Variants in TRMT44 observed in about 807,000 individuals in gnomAD.
TRMT44 encodes the protein probable tRNA (uracil-O(2)-)-methyltransferase.
Under a neutral mutation model 77.3 loss-of-function variants are expected in TRMT44, and 78 were observed. That is an observed-to-expected ratio of 1.01 (90% CI 0.84 to 1.22). The LOEUF is 1.22. Ranked by LOEUF, TRMT44 falls within the 50% of genes most tolerant of loss-of-function variation. TRMT44 has a pLI of 0.00. For synonymous variants in TRMT44, 391 were observed against 383.3 expected, an observed-to-expected ratio of 1.02 and a Z score of -0.23; for missense variants, 1,090 against 964.4, an observed-to-expected ratio of 1.13 and a Z score of -1.73.
chr4:8,454,548 T>G (rs1725667097), intron 5 of TRMT44, 194 bp from the exon 6 acceptor site: 2 of 602,116 alleles, frequency 3.3e-6, no homozygotes, highest in Non-Finnish European at 5.9e-6. Context: ...AGGAAGTGGC[T>G]AAGCTGGCCA....
chr4:8,459,342 T>C (rs892977373), intron 6 of TRMT44, among the ~76,000 whole-genome samples: 1 of 152,168 alleles, frequency 6.6e-6, no homozygotes, highest in African/African-American at 2.4e-5. Context: ...TAAAGGTAAA[T>C]GTATTTTATG....
chr4:8,496,302 G>A (rs1728148663), downstream of TRMT44, among the ~76,000 whole-genome samples: 1 of 152,146 alleles, frequency 6.6e-6, no homozygotes, highest in African/African-American at 2.4e-5. Context: ...CCAATTCTTT[G>A]TTCAAAACAC....
chr4:8,451,936 T>C lies in TRMT44; in HGVS notation c.955-24T>C, dbSNP rs12504328. The C allele has an allele frequency of 0.014, 21,587 of 1,535,566 alleles. 369 individuals carry two copies. The highest frequency in any genetic ancestry group is 0.066 in the African/African-American group (4,842 of 73,138). ...GGTGGTGGGGAAACCGAACAATTTATGTTTGCTCTTGAAACTGTTTTAGGT... is the reference window on the plus strand; with the variant it reads ...GGTGGTGGGGAAACCGAACAATTTACGTTTGCTCTTGAAACTGTTTTAGGT... On this transcript the variant is annotated intron_variant, in intron 3 of 10. Transcript: ENST00000389737. The surrounding 1 kb of genome is among the most constrained non-coding windows in gnomAD (Gnocchi z 4.1).
At chr4:8,472,484 A>G (rs988776664) in intron 10 of TRMT44, among the ~76,000 whole-genome samples, 2 of 152,228 alleles carry the variant, frequency 1.3e-5, no homozygotes, top group South Asian at 2.1e-4. Flanking sequence ...GATCAGGTGC[A>G]GTACAGTGTC....
chr4:8,443,843 C>T (rs988986167), intron 1 of TRMT44, among the ~76,000 whole-genome samples: 3 of 151,900 alleles, frequency 2.0e-5, no homozygotes, highest in Non-Finnish European at 4.4e-5. Flanking sequence ...GCCTGTAATC[C>T]CAGCTACTCA....
At chr4:8,441,612 A>G (rs1336981604) in intron 1 of TRMT44, among the ~76,000 whole-genome samples, 171 bp downstream of exon 1, 2 of 152,350 alleles carry the variant, frequency 1.3e-5, no homozygotes, top group South Asian at 2.1e-4. Context: ...TCCTTAGTAC[A>G]GAAGATGGGA....
the TRMT44 span, among the ~76,000 whole-genome samples, chr4:8,503,257 C>A: frequency 6.6e-6 from 1 of 152,252 alleles, no homozygotes; most frequent in African/African-American, 2.4e-5. Flanking sequence ...AGGGTCTACT[C>A]CATTCACCTT....
At chr4:8,463,670 G>C (rs549569056) in intron 6 of TRMT44, among the ~76,000 whole-genome samples, 1 of 152,178 alleles carries the variant, frequency 6.6e-6, no homozygotes, top group African/African-American at 2.4e-5. Flanking sequence ...TTCCGTGGCC[G>C]TCTCTCCTGG....
At chr4:8,448,498 G>T (rs1725206464) in intron 2 of TRMT44, among the ~76,000 whole-genome samples, 1 of 152,220 alleles carries the variant, frequency 6.6e-6, no homozygotes, top group Non-Finnish European at 1.5e-5. Context: ...GGAGGAGGCC[G>T]TATGGACCTC....
At chr4:8,479,595 A>G (rs1346182600), downstream of TRMT44, 2 of 152,088 alleles carry the variant, frequency 1.3e-5, no homozygotes, top group African/African-American at 4.8e-5. Flanking sequence ...AAGAGAAAAC[A>G]TGCTTCAGCT....
At chr4:8,470,164 A>G (rs1294742213) in intron 9 of TRMT44, among the ~76,000 whole-genome samples, 2 of 151,896 alleles carry the variant, frequency 1.3e-5, no homozygotes, top group Admixed American at 1.3e-4. Context: ...TTTTTAAAAC[A>G]CTCCCGCTCC....
In TRMT44 at chr4:8,449,827, C is replaced by A; in HGVS notation, c.893C>A (p.Ser298Tyr). The A allele has an allele frequency of 3.9e-6, 6 of 1,535,734 alleles. No homozygotes were observed. Among genetic ancestry groups the A allele is most frequent in the Non-Finnish European group, 5.2e-6 (6 of 1,146,826 alleles). Residue 298 changes from serine (S) to tyrosine (Y), a missense_variant, in exon 3 of 11, where the codon TCC becomes TAC. Ser to Tyr is a moderately radical substitution (Grantham distance 144). Transcript: ENST00000389737. ...SDFKSTLSLI[S>Y]IMKYSKAYQE... ...TTTAAAAGCACCCTTTCCCTCATCT[C>A]CATTATGAAGTATAGCAAGGCTTAC...
At chr4:8,490,474 AGTT>A (rs1396180512) in intron 2 of TRMT44, among the ~76,000 whole-genome samples, 1 of 150,162 alleles carries the variant, frequency 6.7e-6, no homozygotes, top group African/African-American at 2.5e-5. Flanking sequence ...GCGCGTCTGG[AGTT>A]GTTCATTCCT....
chr4:8,465,698 CTG>C, intron 8 of TRMT44, 137 bp downstream of exon 8: 1 of 779,948 alleles, frequency 1.3e-6, no homozygotes. Context: ...TTCTGTGCCT[CTG>C]TCACTGATGA....
downstream of TRMT44, among the ~76,000 whole-genome samples, chr4:8,495,970 G>T (rs1306581987): frequency 2.0e-5 from 3 of 152,210 alleles, no homozygotes; most frequent in African/African-American, 7.2e-5. Flanking sequence ...CCCTCCTGCA[G>T]CCAATCAGAT....
At chr4:8,514,352 T>C in the TRMT44 span, among the ~76,000 whole-genome samples, 4 of 151,288 alleles carry the variant, frequency 2.6e-5, no homozygotes, top group Non-Finnish European at 1.5e-5. Flanking sequence ...CCTTCCCATA[T>C]TCGAGCCCAG....
downstream of TRMT44, among the ~76,000 whole-genome samples, chr4:8,494,660 C>T (rs1475083972): frequency 3.9e-5 from 6 of 152,168 alleles, no homozygotes. Flanking sequence ...CTGTGCCCGA[C>T]CACCTTGAGT....
intron 7 of TRMT44, 140 bp downstream of exon 7, chr4:8,464,231 G>A: frequency 1.6e-6 from 1 of 619,972 alleles, no homozygotes; most frequent in Non-Finnish European, 2.9e-6. Context: ...TGAAATGTTT[G>A]CTTATTGCCT....
At chr4:8,463,767 T>G (rs1248508461) in intron 6 of TRMT44, among the ~76,000 whole-genome samples, 1 of 152,218 alleles carries the variant, frequency 6.6e-6, no homozygotes, top group Non-Finnish European at 1.5e-5. Flanking sequence ...GTTTCTCCGG[T>G]GATTTCCCTA....
Sources: allele counts gnomAD v4.1 joint callset (sites outside exome capture counted in the v4.1 genomes callset), GRCh38; gene constraint gnomAD v4.1.1; non-coding constraint Gnocchi (gnomAD v3.1); transcripts MANE v1.5; gene names NCBI Gene and HGNC (gene_info 2026-07-23, HGNC 2026-07-21).